DAG1: variants seen among roughly 807,000 people sequenced by gnomAD.
DAG1 encodes the protein dystroglycan 1 (dystrophin-associated glycoprotein 1).
In DAG1, 8 loss-of-function variants were observed where a neutral mutation model predicts 46.1. That is an observed-to-expected ratio of 0.17 (90% CI 0.10 to 0.31). The LOEUF is 0.31. Among genes scored for constraint, DAG1 ranks in the 10% least tolerant of loss-of-function variants. DAG1 has a pLI of 1.00. For missense variants in DAG1, 1,003 were observed against 1,189.9 expected, an observed-to-expected ratio of 0.84 and a Z score of 2.31; for synonymous variants, 495 against 481.8, an observed-to-expected ratio of 1.03 and a Z score of -0.36.
At chr3:49,497,203 G>A (rs1575367186) in intron 1 of DAG1, among the ~76,000 whole-genome samples, 2 of 151,970 alleles carry the variant, frequency 1.3e-5, no homozygotes, top group South Asian at 2.1e-4. Context: ...TTGGGAGGCC[G>A]AGGTGGGTAG....
At chr3:49,520,781 G>A (rs2051007300) in intron 2 of DAG1, among the ~76,000 whole-genome samples, 1 of 152,136 alleles carries the variant, frequency 6.6e-6, no homozygotes, top group Non-Finnish European at 1.5e-5. Context: ...TTATTCTTAG[G>A]ATCCCTCTTT....
intron 1 of DAG1, among the ~76,000 whole-genome samples, chr3:49,494,146 C>A (rs2050253414): frequency 6.6e-6 from 1 of 152,118 alleles, no homozygotes. Flanking sequence ...ATGGCAGTTC[C>A]TGGCATGGGT....
rs1001995960 is a variant in DAG1, at chr3:49,534,235, CAGT to C, written c.*1037_*1039del. Reference sequence around the variant, plus strand: ...GAATATCACGGTTTTTTGAAACACTCAGTGGGGGACATTTTGGTGAAGATGCAA... The same window carrying C: ...GAATATCACGGTTTTTTGAAACACTCGGGGGACATTTTGGTGAAGATGCAA... On this transcript the variant is annotated 3_prime_UTR_variant, in exon 3 of 3. Coordinates refer to ENST00000308775, the MANE Select transcript of DAG1 (RefSeq NM_004393.6). The C allele has an allele frequency of 6.6e-5, 10 of 152,238 alleles. No individual in the cohort carries two copies. Among genetic ancestry groups the C allele is most frequent in the African/African-American group, 2.4e-4 (10 of 41,342 alleles). The allele number at this position is 152,238 out of a possible 1,614,324, so 9.4% of individuals were successfully genotyped here. A position where few individuals can be genotyped will look rare whatever the true frequency, so the allele number is the denominator to read the frequency against.
chr3:49,477,091 G>T (rs937530472), intron 1 of DAG1, among the ~76,000 whole-genome samples: 1 of 151,638 alleles, frequency 6.6e-6, no homozygotes, highest in Non-Finnish European at 1.5e-5. Flanking sequence ...TTTGCCTCCC[G>T]GGTTCAAGCA....
intron 1 of DAG1, among the ~76,000 whole-genome samples, chr3:49,490,575 ATTT>A (rs1050421982): frequency 7.2e-6 from 1 of 138,416 alleles, no homozygotes. Flanking sequence ...TTATTCTTTT[ATTT>A]TTTTTTTTTG....
At chr3:49,479,815 T>C (rs1402704008) in intron 1 of DAG1, among the ~76,000 whole-genome samples, 1 of 146,574 alleles carries the variant, frequency 6.8e-6, no homozygotes, top group Non-Finnish European at 1.5e-5. Context: ...TTTTTTTTTG[T>C]ATTTTTAGTA....
intron 2 of DAG1, among the ~76,000 whole-genome samples, chr3:49,514,919 G>A (rs1360720530): frequency 6.6e-6 from 1 of 152,002 alleles, no homozygotes; most frequent in Non-Finnish European, 1.5e-5. Flanking sequence ...GAATGCAGTG[G>A]CGTGATCTCA....
intron 1 of DAG1, among the ~76,000 whole-genome samples, chr3:49,496,361 T>A (rs2050309336): frequency 7.0e-6 from 1 of 142,676 alleles, no homozygotes; most frequent in African/African-American, 2.6e-5. Flanking sequence ...AACTTTTTTT[T>A]TTTTTTTTTT....
At chr3:49,491,996 G>A (rs1369435851) in intron 1 of DAG1, among the ~76,000 whole-genome samples, 1 of 145,844 alleles carries the variant, frequency 6.9e-6, no homozygotes, top group African/African-American at 2.5e-5. Flanking sequence ...GTGAGATCTC[G>A]GCTCCCTGCG....
intron 1 of DAG1, among the ~76,000 whole-genome samples, chr3:49,507,007 C>G (rs1231115420): frequency 6.6e-6 from 1 of 150,434 alleles, no homozygotes; most frequent in African/African-American, 2.4e-5. Context: ...AAAGAAAATT[C>G]AATATATTAA....
rs547765221 is a variant in DAG1, at chr3:49,486,476, C to T, written c.-117+16043C>T. ...CTTGTGATCCTCCTGCCTCAGTATC[C>T]TGAAGTGCTGGGATTACAGGCGTGA... is the stretch of plus-strand genomic sequence containing the variant. On this transcript the variant is annotated intron_variant, in intron 1 of 2. Transcript: ENST00000308775. Among the ~76,000 whole-genome samples the T allele has an allele frequency of 3.1e-3, 472 of 151,294 alleles. 1 individual carries two copies. The highest frequency in any genetic ancestry group is 5.4e-3 in the Admixed American group (82 of 15,134).
chr3:49,509,484 A>G (rs2050704608), intron 1 of DAG1, among the ~76,000 whole-genome samples: 2 of 152,146 alleles, frequency 1.3e-5, no homozygotes, highest in Non-Finnish European at 2.9e-5. Context: ...GAGAACAGTC[A>G]TCTTATGTTT....
chr3:49,490,743 A>ATT (rs1022878951), intron 1 of DAG1, among the ~76,000 whole-genome samples: 10 of 150,622 alleles, frequency 6.6e-5, no homozygotes, highest in African/African-American at 2.4e-4. Context: ...CTAATTTTGT[A>ATT]TTTTTTTGTA....
intron 1 of DAG1, among the ~76,000 whole-genome samples, chr3:49,508,194 C>CTTTTTTTT: frequency 1.4e-5 from 1 of 73,546 alleles, no homozygotes; most frequent in South Asian, 5.1e-4. Context: ...GTTTATTTTG[C>CTTTTTTTT]TTTTTTTTTT....
intron 1 of DAG1, among the ~76,000 whole-genome samples, chr3:49,507,635 T>TTTTTTC (rs1337432171): frequency 3.3e-5 from 5 of 151,778 alleles, no homozygotes; most frequent in South Asian, 4.2e-4. Flanking sequence ...TTTTTTCTTT[T>TTTTTTC]TTTTTCTTTT....
At chr3:49,516,774 C>T (rs1478768781) in intron 2 of DAG1, among the ~76,000 whole-genome samples, 1 of 152,116 alleles carries the variant, frequency 6.6e-6, no homozygotes, top group Non-Finnish European at 1.5e-5. Context: ...GCCATTTCTT[C>T]AAGGAGCCTG....
intron 1 of DAG1, among the ~76,000 whole-genome samples, chr3:49,497,574 T>G (rs1208368120): frequency 6.6e-6 from 1 of 151,958 alleles, no homozygotes; most frequent in Non-Finnish European, 1.5e-5. Flanking sequence ...ACTGTACCAC[T>G]GTACTCCACC....
At chr3:49,481,959 A>G (rs1263915966) in intron 1 of DAG1, among the ~76,000 whole-genome samples, 6 of 152,346 alleles carry the variant, frequency 3.9e-5, no homozygotes, top group African/African-American at 1.4e-4. Context: ...GTCCGTATGA[A>G]ACATGAATAA....
At chr3:49,519,242 C>T (rs1281369776) in intron 2 of DAG1, among the ~76,000 whole-genome samples, 1 of 152,164 alleles carries the variant, frequency 6.6e-6, no homozygotes, top group Non-Finnish European at 1.5e-5. Flanking sequence ...CAGGGAGAGA[C>T]ATCTTTACAT....
Sources: allele counts gnomAD v4.1 joint callset (sites outside exome capture counted in the v4.1 genomes callset), GRCh38; gene constraint gnomAD v4.1.1; transcripts MANE v1.5; gene names NCBI Gene and HGNC (gene_info 2026-07-23, HGNC 2026-07-21).